Variants in MFSD6 observed in about 807,000 individuals in gnomAD.
MFSD6 encodes major facilitator superfamily domain containing 6, also known as major facilitator superfamily domain-containing protein 6.
In MFSD6, 26 loss-of-function variants were observed where a neutral mutation model predicts 56.3. That is an observed-to-expected ratio of 0.46 (90% CI 0.34 to 0.64). The LOEUF (loss-of-function observed/expected upper bound fraction) is 0.64, where lower values mean the gene tolerates loss of function less well. Ranked by LOEUF, MFSD6 falls within the 30% of genes least tolerant of loss-of-function variation. MFSD6 has a pLI of 0.01. For missense variants in MFSD6, 750 were observed against 986.2 expected, an observed-to-expected ratio of 0.76 and a Z score of 3.21; for synonymous variants, 331 against 366.9, an observed-to-expected ratio of 0.90 and a Z score of 1.12.
intron 4 of MFSD6, among the ~76,000 whole-genome samples, chr2:190,477,556 AC>A (rs1170636098): frequency 6.6e-6 from 1 of 152,220 alleles, no homozygotes; most frequent in Non-Finnish European, 1.5e-5. Context: ...AGAGGAAAAA[AC>A]AAATGCTGTG....
At chr2:190,476,848 T>TA (rs1462638314) in intron 4 of MFSD6, among the ~76,000 whole-genome samples, 1 of 151,994 alleles carries the variant, frequency 6.6e-6, no homozygotes, top group Non-Finnish European at 1.5e-5. Flanking sequence ...ATGTGGCACA[T>TA]ATACACCATG....
At position 190,497,929 on chromosome 2, in the gene MFSD6, T is replaced by G; in HGVS notation, c.2172+210T>G. On this transcript the variant is annotated intron_variant, in intron 7 of 7. Transcript: ENST00000392328. This position sits in a 1 kb window ranked among gnomAD's most constrained non-coding sequence, Gnocchi z 5.2. ...AGAGAGAATATTCTGCCTTATGGAG[T>G]TCAGGAAAACTTCAGAGGTTATGAT... 1 of 464,468 alleles carries G rather than the reference T, an allele frequency of 2.2e-6. No homozygotes were observed. The highest frequency in any genetic ancestry group is 3.8e-5 in the Admixed American group (1 of 26,326). The allele number at this position is 464,468 out of a possible 1,614,324, so 28.8% of individuals were successfully genotyped here.
intron 2 of MFSD6, chr2:190,435,430 T>C (rs1341981200): frequency 6.6e-6 from 1 of 152,582 alleles, no homozygotes; most frequent in African/African-American, 2.4e-5. Context: ...ACTCCTTCAT[T>C]ACCAGGGTAT....
At position 190,436,729 on chromosome 2, in the gene MFSD6, A is replaced by G. The variant is rs771861106; in HGVS notation, c.700A>G (p.Thr234Ala). The change falls in exon 3 of 8, where the codon ACT becomes GCT. Residue 234 changes from threonine (T) to alanine (A), a missense_variant. By Grantham distance (58) the Thr-to-Ala change is moderately conservative. Transcript: ENST00000392328. This position sits in a 1 kb window ranked among gnomAD's most constrained non-coding sequence, Gnocchi z 5.3. ...TCTGCAGCCCCAGACAGGTGAAATT[A>G]CTAACCGTATGATGGACTTGACTTT... Reference protein sequence around the residue: ...PTLQPQTGEITNRMMDLTLNS... With the variant: ...PTLQPQTGEIANRMMDLTLNS... The G allele has an allele frequency of 3.7e-6, 6 of 1,614,232 alleles. No individual in the cohort carries two copies. Among genetic ancestry groups the G allele is most frequent in the Non-Finnish European group, 5.1e-6 (6 of 1,180,042 alleles).
rs1310014233 is a variant in MFSD6 at position 190,491,293 on chromosome 2, G to A, written c.1891+1427G>A. On this transcript the variant is annotated intron_variant, in intron 6 of 7. Coordinates refer to ENST00000392328, the MANE Select transcript of MFSD6 (RefSeq NM_017694.4). The surrounding 1 kb of genome is among the most constrained non-coding windows in gnomAD (Gnocchi z 4.2). ...AGGATTAGGTTGCAGCTCACACTCA[G>A]GTGGACCGAGTAGCATGTGGAGACT... 6.6e-6 allele frequency among the ~76,000 whole-genome samples: 1 copy of A among 152,204 alleles called. No homozygotes were observed. The highest frequency in any genetic ancestry group is 1.5e-5 in the Non-Finnish European group (1 of 68,040).
chr2:190,482,868 C>CTTTTTTTTTTTTTTTTTTTTTTTTTTTT (rs199927176), intron 4 of MFSD6, among the ~76,000 whole-genome samples: 1 of 48,292 alleles, frequency 2.1e-5, no homozygotes, highest in Non-Finnish European at 3.8e-5. Flanking sequence ...AGACTATCAT[C>CTTTTTTTTTTTTTTTTTTTTTTTTTTTT]TTTTTTTTTT....
At chr2:190,427,173 G>A (rs527424814) in intron 2 of MFSD6, among the ~76,000 whole-genome samples, 38 of 152,326 alleles carry the variant, frequency 2.5e-4, no homozygotes, top group Non-Finnish European at 5.1e-4. Context: ...CCAACAGGTG[G>A]GTTGGCAGTC....
chr2:190,423,427 C>A lies in MFSD6; in HGVS notation c.-54+8014C>A, dbSNP rs368858785. 2.6e-5 allele frequency among the ~76,000 whole-genome samples: 4 copies of A among 152,176 alleles called. No individual in the cohort carries two copies. The highest frequency in any genetic ancestry group is 9.6e-5 in the African/African-American group (4 of 41,456). ...TAGGATTTTTTCATTCTATAATTAT[C>A]TGGAAATTTATCCAGTTTATTGCAT... On this transcript the variant is annotated intron_variant, in intron 2 of 7. Coordinates refer to ENST00000392328, the MANE Select transcript of MFSD6 (RefSeq NM_017694.4). This position sits in a 1 kb window ranked among gnomAD's most constrained non-coding sequence, Gnocchi z 4.3.
At position 190,500,114 on chromosome 2, in the gene MFSD6, G is replaced by A. The variant is rs150227947; in HGVS notation, c.2272G>A (p.Ala758Thr). 4.0e-4 allele frequency: 643 copies of A among 1,614,154 alleles called. 4 individuals are homozygous for A. The African/African-American group carries it at 6.8e-3, about 17-fold the overall frequency. ...ATCTAGAAACCAGCCATCCCCTGAC[G>A]CAGCAGCATCTCAGACGCAGACCAG... ...DPSRNQPSPD[A>T]AASQTQTSPA... The change falls in exon 8 of 8, where the codon GCA becomes ACA. Residue 758 changes from alanine (A) to threonine (T), a missense_variant. Physicochemically the swap from Ala to Thr is moderately conservative, Grantham distance 58 (BLOSUM62 0). This residue lies in a region of MFSD6 where 172 missense variants were observed against 203.9 expected (regional missense o/e 0.84). Coordinates refer to ENST00000392328, the MANE Select transcript of MFSD6 (RefSeq NM_017694.4). This position sits in a 1 kb window ranked among gnomAD's most constrained non-coding sequence, Gnocchi z 5.3.
intron 3 of MFSD6, chr2:190,453,952 T>C (rs1045608789): frequency 1.3e-5 from 2 of 152,200 alleles, no homozygotes; most frequent in African/African-American, 4.8e-5. Flanking sequence ...ATGCTACTGG[T>C]AACTGGAATA....
Position 190,411,566 on chromosome 2 carries a change from A to G in MFSD6, c.-176+3063A>G, listed in dbSNP as rs1404648924. ...TTAAAATTTTGTTTTTGGAACAAGC[A>G]TGTGTTCTCTTATTATATAAACTAA... On this transcript the variant is annotated intron_variant, in intron 1 of 7. Coordinates refer to ENST00000392328, the MANE Select transcript of MFSD6 (RefSeq NM_017694.4). 3.1e-6 allele frequency: 3 copies of G among 981,808 alleles called. No homozygotes were observed. In the African/African-American group the frequency reaches 5.2e-5, roughly 17 times the overall value. 60.8% of individuals were successfully genotyped at this position (981,808 alleles called of 1,614,324 possible).
Position 190,494,751 on chromosome 2 carries a change from C to T in MFSD6, c.1892-2688C>T, listed in dbSNP as rs1689566911. Among the ~76,000 whole-genome samples, 1 of 152,144 alleles carries T rather than the reference C, an allele frequency of 6.6e-6. No homozygotes were observed. Among genetic ancestry groups the T allele is most frequent in the Admixed American group, 6.5e-5 (1 of 15,270 alleles). ...TAAACAGAATTAAAAACAAAAATCA[C>T]ATGATCATCTCAGTAGACGCAGAAA... is the stretch of plus-strand genomic sequence containing the variant. On this transcript the variant is annotated intron_variant, in intron 6 of 7. Coordinates refer to ENST00000392328, the MANE Select transcript of MFSD6 (RefSeq NM_017694.4). The surrounding 1 kb of genome is among the most constrained non-coding windows in gnomAD (Gnocchi z 5.7).
rs1180161845 is a variant in MFSD6, at chr2:190,491,263, G to C, written c.1891+1397G>C. ...TGTTATTGGGAAAATGGCAAGATAG[G>C]AGGCAGGATTAGGTTGCAGCTCACA... On this transcript the variant is annotated intron_variant, in intron 6 of 7. Coordinates refer to ENST00000392328, the MANE Select transcript of MFSD6 (RefSeq NM_017694.4). The surrounding 1 kb of genome is among the most constrained non-coding windows in gnomAD (Gnocchi z 4.2). Among the ~76,000 whole-genome samples, 2 of 152,178 alleles carry C rather than the reference G, an allele frequency of 1.3e-5. No homozygotes were observed. Among genetic ancestry groups the C allele is most frequent in the Admixed American group, 1.3e-4 (2 of 15,288 alleles).
In MFSD6 at chr2:190,454,866, T is replaced by C. The variant is rs982135051; in HGVS notation, c.1533-14892T>C. On this transcript the variant is annotated intron_variant, in intron 3 of 7. Transcript: ENST00000392328. The surrounding 1 kb of genome is among the most constrained non-coding windows in gnomAD (Gnocchi z 4.6). ...CCTATGGCCTAACATAGTGGGATGA[T>C]GGTAGGAGTGAGTCCGGCAACGGCA... Among the ~76,000 whole-genome samples the C allele has an allele frequency of 8.6e-5, 13 of 151,962 alleles. No individual in the cohort carries two copies. Among genetic ancestry groups the C allele is most frequent in the Admixed American group, 4.6e-4 (7 of 15,220 alleles).
chr2:190,467,763 GAAT>G lies in MFSD6; in HGVS notation c.1533-1992_1533-1990del, dbSNP rs1179044888. Among the ~76,000 whole-genome samples the G allele has an allele frequency of 6.6e-6, 1 of 152,122 alleles. No individual in the cohort carries two copies. The highest frequency in any genetic ancestry group is 1.5e-5 in the Non-Finnish European group (1 of 68,004). On this transcript the variant is annotated intron_variant, in intron 3 of 7. Coordinates refer to ENST00000392328, the MANE Select transcript of MFSD6 (RefSeq NM_017694.4). The surrounding 1 kb of genome is among the most constrained non-coding windows in gnomAD (Gnocchi z 5.5). ...AAATGGTTGAAAAAAAACACAAGAA[GAAT>G]AAGATTTTGTGACACATGAAAATTA...
chr2:190,497,903 TAG>T lies in MFSD6; in HGVS notation c.2172+190_2172+191del. The T allele has an allele frequency of 1.6e-6, 1 of 633,180 alleles. No individual in the cohort carries two copies. Among genetic ancestry groups the T allele is most frequent in the Non-Finnish European group, 2.6e-6 (1 of 381,020 alleles). 39.2% of individuals were successfully genotyped at this position (633,180 alleles called of 1,614,324 possible). A position where few individuals can be genotyped will look rare whatever the true frequency, so the allele number is the denominator to read the frequency against. On this transcript the variant is annotated intron_variant, in intron 7 of 7. Transcript: ENST00000392328. This position sits in a 1 kb window ranked among gnomAD's most constrained non-coding sequence, Gnocchi z 5.2. Reference sequence around the variant, plus strand: ...TAAAGAGGGTGTATACAAGGTCCCATAGAGAGAATATTCTGCCTTATGGAGTT... The same window carrying T: ...TAAAGAGGGTGTATACAAGGTCCCATAGAGAATATTCTGCCTTATGGAGTT...
rs1388520921 is a variant in MFSD6, at chr2:190,439,208, A to G, written c.1532+1647A>G. On this transcript the variant is annotated intron_variant, in intron 3 of 7. Transcript: ENST00000392328. The surrounding 1 kb of genome is among the most constrained non-coding windows in gnomAD (Gnocchi z 5.8). ...TCTCACTGCAGTTAATAATGTCTTT[A>G]AAATCACTGTTATTCATTCCCAGAA... Among the ~76,000 whole-genome samples the G allele has an allele frequency of 6.6e-6, 1 of 152,072 alleles. No homozygotes were observed. The highest frequency in any genetic ancestry group is 1.9e-4 in the East Asian group (1 of 5,176).
At chr2:190,430,911 G>T (rs1451664488) in intron 2 of MFSD6, among the ~76,000 whole-genome samples, 1 of 127,676 alleles carries the variant, frequency 7.8e-6, no homozygotes, top group Non-Finnish European at 1.7e-5. Context: ...TCCCAGATGG[G>T]GTGGCTGCCG....
rs1038939671 is a variant in MFSD6 at position 190,497,283 on chromosome 2, C to G, written c.1892-156C>G. On this transcript the variant is annotated intron_variant, in intron 6 of 7. Transcript: ENST00000392328. The surrounding 1 kb of genome is among the most constrained non-coding windows in gnomAD (Gnocchi z 5.2). ...CATGTTCATTGATTCAGTACTTACA[C>G]CAAGTAATGAAGTCATTGGTAACCA... 1.3e-5 allele frequency among the ~76,000 whole-genome samples: 2 copies of G among 152,006 alleles called. No individual in the cohort carries two copies. Among genetic ancestry groups the G allele is most frequent in the African/African-American group, 4.8e-5 (2 of 41,362 alleles).
Sources: allele counts gnomAD v4.1 joint callset (sites outside exome capture counted in the v4.1 genomes callset), GRCh38; gene constraint gnomAD v4.1.1; regional missense constraint gnomAD v4.1.1; non-coding constraint Gnocchi (gnomAD v3.1); transcripts MANE v1.5; gene names NCBI Gene and HGNC (gene_info 2026-07-23, HGNC 2026-07-21).